RYR2: variants seen among roughly 807,000 people sequenced by gnomAD.
The protein encoded by RYR2 is cardiac muscle ryanodine receptor-calcium release channel.
A neutral mutation model predicts 601.1 loss-of-function variants in RYR2; 227 were observed. The ratio of observed to expected loss-of-function variants is 0.38; its 90% CI spans 0.34 to 0.42. The LOEUF (loss-of-function observed/expected upper bound fraction) is 0.42. RYR2 is among the 10% of genes least tolerant of loss of function. RYR2 has a pLI of 1.00. For synonymous variants in RYR2, 2,223 were observed against 2,175.1 expected (o/e 1.02, Z -0.61); for missense variants, 4,646 against 6,156.5 (o/e 0.75, Z 8.21).
At chr1:237,122,213 G>A (rs1007485378) in intron 1 of RYR2, among the ~76,000 whole-genome samples, 1 of 152,254 alleles carries the variant, frequency 6.6e-6, no homozygotes, top group Non-Finnish European at 1.5e-5. Context: ...AACCCACCGG[G>A]ATGCGCCACA....
intron 35 of RYR2, among the ~76,000 whole-genome samples, chr1:237,609,056 T>C (rs2779349): frequency 0.56 from 80,773 of 143,690 alleles, 26,013 homozygotes; most frequent in Non-Finnish European, 0.71. Flanking sequence ...TCCTTGTCCC[T>C]GTCCCTTTTC....
Position 237,610,945 on chromosome 1 carries a change from G to C in RYR2, c.4867G>C (p.Asp1623His), listed in dbSNP as rs1194621692. The C allele has an allele frequency of 6.2e-7, 1 of 1,613,484 alleles. No homozygotes were observed. Among genetic ancestry groups the C allele is most frequent in the Admixed American group, 1.7e-5 (1 of 59,968 alleles). Residue 1623 changes from aspartate (D) to histidine (H), a missense_variant, in exon 36 of 105, where the codon GAT (aspartate) becomes CAT (histidine). By Grantham distance (81) the Asp-to-His change is moderately conservative. This residue lies in a region of RYR2 where 1,807 missense variants were observed against 2,088.1 expected (regional missense o/e 0.87). Transcript: ENST00000366574. This position sits in a 1 kb window ranked among gnomAD's most constrained non-coding sequence, Gnocchi z 4.9. ...CCAAGGCTGGTTGGTGCAGTGTTTG[G>C]ATCCTCTGCAGTTCATGTCTCTTCA... ...ERQGWLVQCL[D>H]PLQFMSLHIP...
chr1:237,264,088 C>T (rs887760036), intron 1 of RYR2, among the ~76,000 whole-genome samples: 13 of 107,096 alleles, frequency 1.2e-4, no homozygotes, highest in Non-Finnish European at 1.1e-4. Context: ...CACACATGCA[C>T]ATGCACACAC....
intron 1 of RYR2, among the ~76,000 whole-genome samples, chr1:237,101,972 A>G (rs933308700): frequency 2.6e-5 from 4 of 152,236 alleles, no homozygotes; most frequent in Admixed American, 1.3e-4. Flanking sequence ...TGTGGCATCA[A>G]ATGAGTGCCT....
intron 25 of RYR2, among the ~76,000 whole-genome samples, chr1:237,540,404 T>A (rs1032814393): frequency 1.3e-5 from 2 of 152,178 alleles, no homozygotes; most frequent in African/African-American, 4.8e-5. Flanking sequence ...AAAGGCTGCT[T>A]GAGTGTTTAA....
intron 17 of RYR2, among the ~76,000 whole-genome samples, chr1:237,469,797 A>T (rs1445524302): frequency 6.6e-6 from 1 of 152,220 alleles, no homozygotes; most frequent in Non-Finnish European, 1.5e-5. Flanking sequence ...AATTTAGTAA[A>T]TACTAACAAA....
At chr1:237,081,627 ACTCTCTCTCTCC>A (rs1665683829) in intron 1 of RYR2, among the ~76,000 whole-genome samples, 1 of 150,452 alleles carries the variant, frequency 6.6e-6, no homozygotes, top group Admixed American at 6.6e-5. Context: ...ATACGCACAC[ACTCTCTCTCTCC>A]CTCTCTCTGT....
chr1:237,529,760 T>TACACACACAC (rs71561882), intron 24 of RYR2, among the ~76,000 whole-genome samples: 15,165 of 134,348 alleles, frequency 0.11, 982 homozygotes, highest in South Asian at 0.17. Context: ...AATAATATCA[T>TACACACACAC]ACACACACAC....
chr1:237,044,581 T>C (rs1660323666), intron 1 of RYR2, among the ~76,000 whole-genome samples: 1 of 151,818 alleles, frequency 6.6e-6, no homozygotes, highest in African/African-American at 2.4e-5. Flanking sequence ...TAATAAAACA[T>C]CCGTAGGTTG....
intron 35 of RYR2, among the ~76,000 whole-genome samples, chr1:237,603,414 C>T (rs529564896): frequency 6.6e-5 from 10 of 152,276 alleles, no homozygotes; most frequent in South Asian, 6.2e-4. Flanking sequence ...ATTCACTGAC[C>T]CCGTGAGGTG....
At position 237,545,643 on chromosome 1, in the gene RYR2, A is replaced by G. The variant is rs971572419; in HGVS notation, c.2907-2788A>G. Reference sequence around the variant, plus strand: ...AGTACAGAAGACTGGGCTCTTCATCATGTACCCTGAGGCTGCCTCCAGCAA... The same window carrying G: ...AGTACAGAAGACTGGGCTCTTCATCGTGTACCCTGAGGCTGCCTCCAGCAA... On this transcript the variant is annotated intron_variant, in intron 25 of 104. Transcript: ENST00000366574. Among the ~76,000 whole-genome samples the G allele has an allele frequency of 2.0e-5, 3 of 152,134 alleles. No individual in the cohort carries two copies. In the East Asian group the frequency reaches 5.8e-4, roughly 29 times the overall value.
chr1:237,630,623 C>CAAGA (rs1680146439), intron 41 of RYR2, among the ~76,000 whole-genome samples: 1 of 152,050 alleles, frequency 6.6e-6, no homozygotes, highest in Non-Finnish European at 1.5e-5. Flanking sequence ...CTAGATCTAA[C>CAAGA]AAGAAAATGT....
chr1:237,747,031 C>G (rs1692142518), intron 80 of RYR2, among the ~76,000 whole-genome samples: 1 of 152,038 alleles, frequency 6.6e-6, no homozygotes, highest in South Asian at 2.1e-4. Context: ...TTTTATTGCT[C>G]TTCTCTAAAA....
intron 66 of RYR2, 65 bp from the exon 67 acceptor site, chr1:237,705,148 T>G (rs763272315): frequency 6.7e-5 from 96 of 1,431,500 alleles, no homozygotes; most frequent in Non-Finnish European, 8.7e-5. Flanking sequence ...ATTTGCTAAT[T>G]GTAATATGAC....
chr1:237,495,144 A>G (rs1411614977), intron 19 of RYR2, among the ~76,000 whole-genome samples: 1 of 152,180 alleles, frequency 6.6e-6, no homozygotes, highest in East Asian at 1.9e-4. Context: ...TATTCACTCT[A>G]GGGCAAAGAC....
At chr1:237,748,224 C>G (rs1692244155) in intron 80 of RYR2, among the ~76,000 whole-genome samples, 1 of 152,060 alleles carries the variant, frequency 6.6e-6, no homozygotes, top group African/African-American at 2.4e-5. Context: ...CACAGCTGTT[C>G]AGCAGTACAG....
intron 76 of RYR2, among the ~76,000 whole-genome samples, chr1:237,728,008 A>C (rs1002993763): frequency 1.1e-4 from 16 of 152,144 alleles, no homozygotes; most frequent in East Asian, 9.7e-4. Context: ...ATCTCTGACC[A>C]AGCCATGCCC....
chr1:237,663,436 T>G (rs1397964568), intron 56 of RYR2, among the ~76,000 whole-genome samples: 4 of 152,230 alleles, frequency 2.6e-5, no homozygotes, highest in Non-Finnish European at 5.9e-5. Context: ...TTCCTCAGCT[T>G]TTTTTCACTG....
intron 3 of RYR2, among the ~76,000 whole-genome samples, chr1:237,344,234 C>T (rs934051998): frequency 2.0e-5 from 3 of 152,124 alleles, no homozygotes; most frequent in Non-Finnish European, 2.9e-5. Flanking sequence ...GGCGTTTTGC[C>T]GGGGGCTGCC....
Sources: allele counts gnomAD v4.1 joint callset (sites outside exome capture counted in the v4.1 genomes callset), GRCh38; gene constraint gnomAD v4.1.1; regional missense constraint gnomAD v4.1.1; non-coding constraint Gnocchi (gnomAD v3.1); transcripts MANE v1.5; gene names NCBI Gene and HGNC (gene_info 2026-07-23, HGNC 2026-07-21).